The following FREM1 variants were observed in gnomAD, a reference collection of about 807,000 sequenced individuals.
FREM1 encodes FRAS1-related extracellular matrix protein 1.
Under a neutral mutation model 210.1 loss-of-function variants are expected in FREM1, and 220 were observed. That is an observed-to-expected ratio of 1.05 (90% CI 0.94 to 1.17). The LOEUF (loss-of-function observed/expected upper bound fraction) is 1.17. Among genes scored for constraint, FREM1 ranks in the 50% most tolerant of loss-of-function variants. The probability of loss-of-function intolerance (pLI) is 0.00; values close to 1 mark genes in which losing one functional copy is unlikely to be tolerated. For missense variants in FREM1, 3,454 were observed against 2,675.5 expected, an observed-to-expected ratio of 1.29 and a Z score of -6.42; for synonymous variants, 1,189 against 980.2, an observed-to-expected ratio of 1.21 and a Z score of -3.98.
At chr9:14,777,105 G>C (rs1030405949) in intron 24 of FREM1, among the ~76,000 whole-genome samples, 25 of 152,196 alleles carry the variant, frequency 1.6e-4, no homozygotes, top group African/African-American at 5.5e-4. Context: ...CACCACAAAA[G>C]AGTTGTGGTG....
chr9:14,805,509 A>G (rs1168476036), intron 18 of FREM1, among the ~76,000 whole-genome samples: 1 of 152,226 alleles, frequency 6.6e-6, no homozygotes, highest in African/African-American at 2.4e-5. Flanking sequence ...ACTTGAGTAT[A>G]AAAAGAGACC....
rs758126100 is a variant in FREM1, at chr9:14,746,349, T to G, written c.6254+4A>C. The stretch of plus-strand genomic sequence containing the variant: ...CCAATCAAATGTGCAATAGGGTGCC[T>G]TACTGTTCCCTGCAAGCTTGGGCAG... On this transcript the variant is annotated splice_donor_region_variant and intron_variant, in intron 35 of 36. Coordinates refer to ENST00000380880, the MANE Select transcript of FREM1 (RefSeq NM_001379081.2). 5 of 1,606,458 alleles carry G rather than the reference T, an allele frequency of 3.1e-6. No individual in the cohort carries two copies. The South Asian group carries it at 5.5e-5, about 18-fold the overall frequency.
At chr9:14,864,637 A>C (rs183604437) in intron 2 of FREM1, among the ~76,000 whole-genome samples, 1 of 152,302 alleles carries the variant, frequency 6.6e-6, no homozygotes, top group East Asian at 1.9e-4. Flanking sequence ...TGGGAACCTG[A>C]TTTTTAGAGG....
intron 1 of FREM1, among the ~76,000 whole-genome samples, chr9:14,889,540 T>A (rs1449422359): frequency 6.6e-6 from 1 of 152,234 alleles, no homozygotes; most frequent in African/African-American, 2.4e-5. Flanking sequence ...TGGATGGGAA[T>A]CTCAGTTCTG....
At chr9:14,790,909 T>G (rs1851190547) in intron 22 of FREM1, 1 of 152,208 alleles carries the variant, frequency 6.6e-6, no homozygotes. Context: ...CTCTTTGAAA[T>G]GAAATAAGGA....
intron 31 of FREM1, among the ~76,000 whole-genome samples, chr9:14,747,942 C>T (rs1842755907): frequency 6.6e-6 from 1 of 152,164 alleles, no homozygotes; most frequent in Admixed American, 6.6e-5. Flanking sequence ...TACAGAGTTC[C>T]AGTCAGGGAA....
At chr9:14,757,375 T>C (rs1006081779) in intron 28 of FREM1, among the ~76,000 whole-genome samples, 1 of 152,050 alleles carries the variant, frequency 6.6e-6, no homozygotes, top group African/African-American at 2.4e-5. Flanking sequence ...GCCAACATGG[T>C]GAAACCCCGT....
rs183462091 is a variant in FREM1, at chr9:14,846,862, G to A, written c.1262-771C>T. ...TCGACCAACTGACTGTTCTCTAGCT[G>A]CAGCCGCCCCATGAGGGTTCCCAGT... On this transcript the variant is annotated intron_variant, in intron 7 of 36. Transcript: ENST00000380880. Among the ~76,000 whole-genome samples, 256 of 152,272 alleles carry A rather than the reference G, an allele frequency of 1.7e-3. 1 individual carries two copies. Among genetic ancestry groups the A allele is most frequent in the Admixed American group, 3.0e-3 (46 of 15,304 alleles).
intron 29 of FREM1, among the ~76,000 whole-genome samples, chr9:14,755,715 C>T (rs981594377): frequency 6.6e-6 from 1 of 152,194 alleles, no homozygotes; most frequent in Non-Finnish European, 1.5e-5. Context: ...TACTGCCTCC[C>T]GTGGGAAGTC....
intron 7 of FREM1, 23 bp from the exon 8 acceptor site, chr9:14,846,114 G>T: frequency 6.5e-7 from 1 of 1,546,636 alleles, no homozygotes; most frequent in Non-Finnish European, 8.8e-7. Context: ...GGAGAAAAGG[G>T]TGTTGGTATC....
chr9:14,825,037 AC>A (rs750180241), intron 10 of FREM1, 45 bp from the exon 11 acceptor site: 18 of 1,391,058 alleles, frequency 1.3e-5, no homozygotes, highest in Middle Eastern at 1.8e-4. Flanking sequence ...TACCAAAAAA[AC>A]AACAAAGAAA....
intron 3 of FREM1, among the ~76,000 whole-genome samples, chr9:14,860,694 C>CACATATAT (rs1564100378): frequency 1.1e-5 from 1 of 93,684 alleles, no homozygotes; most frequent in African/African-American, 4.9e-5. Context: ...CACATATATA[C>CACATATAT]ACACATATAT....
At chr9:14,852,274 G>T (rs1290142579) in intron 5 of FREM1, among the ~76,000 whole-genome samples, 1 of 152,174 alleles carries the variant, frequency 6.6e-6, no homozygotes, top group Non-Finnish European at 1.5e-5. Flanking sequence ...ATTGCAAGTG[G>T]CCACTGAGGC....
chr9:14,842,365 C>G lies in FREM1; in HGVS notation c.1689G>C (p.Lys563Asn), dbSNP rs1414895617. 6.8e-6 allele frequency: 11 copies of G among 1,609,152 alleles called. No homozygotes were observed. The highest frequency in any genetic ancestry group is 3.3e-5 in the Admixed American group (2 of 59,894). Residue 563 changes from lysine to asparagine, a missense_variant, in exon 9 of 37, where the codon AAG becomes AAC. Transcript: ENST00000380880. ...TCATGATCTCCCCAGCCTGTGGAGG[C>G]TTTGTGATATTGAAGAAGATGTAGT... ...SDDYIFFNIT[K>N]PPQAGEIMKK... is the part of the protein sequence containing the mutation.
chr9:14,837,871 TAG>T (rs1222783796), intron 10 of FREM1, among the ~76,000 whole-genome samples: 5 of 152,208 alleles, frequency 3.3e-5, no homozygotes, highest in African/African-American at 4.8e-5. Flanking sequence ...CATGAAAGGA[TAG>T]AGACAGGGAA....
chr9:14,846,037 A>T lies in FREM1; in HGVS notation c.1316T>A (p.Val439Asp). 1 of 1,609,544 alleles carries T rather than the reference A, an allele frequency of 6.2e-7. No individual in the cohort carries two copies. Among genetic ancestry groups the T allele is most frequent in the South Asian group, 1.1e-5 (1 of 90,116 alleles). The change falls in exon 8 of 37, where the codon GTT becomes GAT. Residue 439 changes from valine to aspartate, a missense_variant. By Grantham distance (152) the Val-to-Asp change is radical (BLOSUM62 -3). Transcript: ENST00000380880. ...SRAITWEQFQVVDNDDIGAVR... is the reference protein window; with the variant it reads ...SRAITWEQFQDVDNDDIGAVR... ...AGCACCAATGTCGTCATTGTCGACAACCTGAAACTGTTCCCAAGTGATGGC... is the reference window on the plus strand; with the variant it reads ...AGCACCAATGTCGTCATTGTCGACATCCTGAAACTGTTCCCAAGTGATGGC...
intron 32 of FREM1, 125 bp from the exon 33 acceptor site, chr9:14,747,553 C>T: frequency 9.3e-7 from 1 of 1,078,230 alleles, no homozygotes; most frequent in South Asian, 1.8e-5. Context: ...CTCTGAACAC[C>T]CAAGCCTCTA....
intron 20 of FREM1, among the ~76,000 whole-genome samples, chr9:14,801,417 T>C (rs1309492783): frequency 2.0e-5 from 3 of 152,226 alleles, no homozygotes; most frequent in Admixed American, 2.0e-4. Flanking sequence ...ATGCAATATA[T>C]TGTTAACTAT....
intron 29 of FREM1, among the ~76,000 whole-genome samples, 160 bp downstream of exon 29, chr9:14,756,214 C>A (rs546052905): frequency 6.6e-6 from 1 of 152,058 alleles, no homozygotes; most frequent in African/African-American, 2.4e-5. Context: ...AACCTCAAAT[C>A]CAAACACCTC....
Sources: gnomAD v4.1 joint callset for allele counts (sites outside exome capture counted in the v4.1 genomes callset) on GRCh38, gnomAD v4.1.1 for gene constraint, MANE v1.5 for transcripts, NCBI Gene and HGNC (gene_info 2026-07-23, HGNC 2026-07-21) for gene names.